The following TMEM132D variants were observed in gnomAD, a reference collection of about 807,000 sequenced individuals.
TMEM132D encodes mature OL transmembrane protein.
TMEM132D carries 21 observed loss-of-function variants against 62.3 expected under a neutral mutation model. The ratio of observed to expected loss-of-function variants is 0.34; its 90% CI spans 0.24 to 0.49. TMEM132D has a LOEUF of 0.49. Ranked by LOEUF, TMEM132D falls within the 20% of genes least tolerant of loss-of-function variation. The pLI, the probability that TMEM132D is intolerant of heterozygous loss-of-function variation, is 0.99. For missense variants in TMEM132D, 1,346 were observed against 1,402.8 expected (o/e 0.96, Z 0.65); for synonymous variants, 621 against 575.6 (o/e 1.08, Z -1.13).
At chr12:129,168,084 G>C (rs1332142655) in intron 5 of TMEM132D, among the ~76,000 whole-genome samples, 2 of 152,186 alleles carry the variant, frequency 1.3e-5, no homozygotes, top group Non-Finnish European at 2.9e-5. Context: ...GACAAGTTCA[G>C]AGTTAATAGA....
intron 2 of TMEM132D, among the ~76,000 whole-genome samples, chr12:129,619,849 G>A (rs1278907699): frequency 6.6e-6 from 1 of 152,150 alleles, no homozygotes; most frequent in East Asian, 1.9e-4. Flanking sequence ...AGTTTAAAAG[G>A]ACATTTCATT....
rs2137228123 is a variant in TMEM132D at position 129,700,705 on chromosome 12, G to A, written c.80-7C>T. 1.9e-6 allele frequency: 3 copies of A among 1,598,986 alleles called. No homozygotes were observed. The highest frequency in any genetic ancestry group is 1.3e-5 in the African/African-American group (1 of 74,706). ...ATCCCTCGACCTTCCGTCACTGTGG[G>A]GAGGGAATCGCAGTGCAGGCGTTAG... is the stretch of plus-strand genomic sequence containing the variant. On this transcript the variant is annotated splice_region_variant and splice_polypyrimidine_tract_variant and intron_variant, in intron 1 of 8. Coordinates refer to ENST00000422113, the MANE Select transcript of TMEM132D (RefSeq NM_133448.3).
At chr12:129,140,503 G>C (rs1444886887) in intron 5 of TMEM132D, among the ~76,000 whole-genome samples, 1 of 152,198 alleles carries the variant, frequency 6.6e-6, no homozygotes, top group Middle Eastern at 3.4e-3. Context: ...GAATTTTACA[G>C]TATAGAGTCT....
chr12:129,369,329 A>C (rs1261492409), intron 3 of TMEM132D, among the ~76,000 whole-genome samples: 3 of 151,616 alleles, frequency 2.0e-5, no homozygotes, highest in African/African-American at 4.9e-5. Flanking sequence ...CCACCTCTTT[A>C]AAATTTCACT....
intron 4 of TMEM132D, among the ~76,000 whole-genome samples, chr12:129,261,510 A>G (rs1346054626): frequency 6.6e-6 from 1 of 152,214 alleles, no homozygotes; most frequent in African/African-American, 2.4e-5. Context: ...TGAGTCCACT[A>G]AACATCTTTT....
intron 4 of TMEM132D, among the ~76,000 whole-genome samples, chr12:129,247,024 T>C (rs1014441848): frequency 5.3e-5 from 8 of 152,242 alleles, no homozygotes; most frequent in South Asian, 2.1e-4. Flanking sequence ...GTACCAGCTA[T>C]AATACGGATT....
At chr12:129,713,982 C>T (rs975916071) in intron 1 of TMEM132D, among the ~76,000 whole-genome samples, 1 of 152,212 alleles carries the variant, frequency 6.6e-6, no homozygotes, top group Non-Finnish European at 1.5e-5. Context: ...TTTAGTGGCA[C>T]CTTTGGGACC....
At chr12:129,209,266 G>A (rs561694726) in intron 5 of TMEM132D, among the ~76,000 whole-genome samples, 14 of 152,296 alleles carry the variant, frequency 9.2e-5, no homozygotes, top group African/African-American at 3.1e-4. Context: ...GAGGCCAAGG[G>A]CATTCGGCGA....
chr12:129,286,314 A>G (rs955661009), intron 4 of TMEM132D, among the ~76,000 whole-genome samples: 3 of 152,220 alleles, frequency 2.0e-5, no homozygotes, highest in Admixed American at 6.5e-5. Context: ...CAGAAAACAT[A>G]TCACCATGGC....
At chr12:129,783,807 G>A (rs1406672686) in intron 1 of TMEM132D, among the ~76,000 whole-genome samples, 2 of 152,170 alleles carry the variant, frequency 1.3e-5, no homozygotes, top group Admixed American at 1.3e-4. Flanking sequence ...ATGCTTGCTC[G>A]CTGTAAGTTG....
At chr12:129,839,645 A>G (rs900032028) in intron 1 of TMEM132D, among the ~76,000 whole-genome samples, 1 of 152,196 alleles carries the variant, frequency 6.6e-6, no homozygotes, top group Non-Finnish European at 1.5e-5. Flanking sequence ...AAAAAGACTG[A>G]GCATATTTTT....
At chr12:129,871,404 A>C (rs923696693) in intron 1 of TMEM132D, among the ~76,000 whole-genome samples, 7 of 152,080 alleles carry the variant, frequency 4.6e-5, no homozygotes, top group Admixed American at 4.6e-4. Flanking sequence ...TCTCGATGAC[A>C]TATTTCACAC....
At chr12:129,351,601 ACT>A (rs1211674324) in intron 3 of TMEM132D, among the ~76,000 whole-genome samples, 6 of 152,066 alleles carry the variant, frequency 3.9e-5, no homozygotes, top group African/African-American at 1.4e-4. Flanking sequence ...AGCTTTAGAC[ACT>A]CACATCTCTG....
chr12:129,828,294 G>C (rs954667722), intron 1 of TMEM132D, among the ~76,000 whole-genome samples: 6 of 152,052 alleles, frequency 3.9e-5, no homozygotes, highest in Admixed American at 2.0e-4. Context: ...ATTAGTCTTT[G>C]CTTCTCCATT....
intron 7 of TMEM132D, 76 bp from the exon 8 acceptor site, chr12:129,078,801 C>T (rs1874359843): frequency 1.3e-6 from 2 of 1,517,288 alleles, no homozygotes; most frequent in Admixed American, 3.4e-5. Flanking sequence ...GGAGGAAGTG[C>T]CAGTGTGCAG....
At chr12:129,456,617 G>A (rs528273952) in intron 3 of TMEM132D, among the ~76,000 whole-genome samples, 31 of 152,258 alleles carry the variant, frequency 2.0e-4, no homozygotes, top group African/African-American at 7.0e-4. Flanking sequence ...CCAGAAAAGG[G>A]AAGTGGCCAA....
chr12:129,634,548 TAG>T (rs1264227258), intron 2 of TMEM132D, among the ~76,000 whole-genome samples: 2 of 152,112 alleles, frequency 1.3e-5, no homozygotes, highest in Non-Finnish European at 2.9e-5. Context: ...GAATTATTTG[TAG>T]AGTCTTAATT....
At chr12:129,135,017 C>T (rs1297511510) in intron 5 of TMEM132D, among the ~76,000 whole-genome samples, 1 of 152,200 alleles carries the variant, frequency 6.6e-6, no homozygotes, top group African/African-American at 2.4e-5. Flanking sequence ...TTTCCTCTTC[C>T]TTGTTGCTGG....
chr12:129,123,121 A>T (rs1172245182), intron 5 of TMEM132D, among the ~76,000 whole-genome samples: 1 of 152,218 alleles, frequency 6.6e-6, no homozygotes, highest in Non-Finnish European at 1.5e-5. Flanking sequence ...ATTTTTGTTG[A>T]CTATGCTAAC....
Sources: gnomAD v4.1 joint callset for allele counts (sites outside exome capture counted in the v4.1 genomes callset) on GRCh38, gnomAD v4.1.1 for gene constraint, MANE v1.5 for transcripts, NCBI Gene and HGNC (gene_info 2026-07-23, HGNC 2026-07-21) for gene names.